The following FGF12 variants were observed in gnomAD, a reference collection of about 807,000 sequenced individuals.
FGF12 encodes fibroblast growth factor 12B.
A neutral mutation model predicts 23.6 loss-of-function variants in FGF12; 14 were observed. The ratio of observed to expected loss-of-function variants is 0.59; its 90% CI spans 0.39 to 0.93. The LOEUF (loss-of-function observed/expected upper bound fraction) is 0.93. Ranked by LOEUF, FGF12 falls within the 40% of genes least tolerant of loss-of-function variation. The probability of loss-of-function intolerance (pLI) is 0.00; values close to 1 mark genes in which losing one functional copy is unlikely to be tolerated. For missense variants in FGF12, 175 were observed against 217.8 expected (o/e 0.80, Z 1.24); for synonymous variants, 62 against 77.3 (o/e 0.80, Z 1.04).
At chr3:192,175,248 T>C (rs1281645120) in intron 4 of FGF12, among the ~76,000 whole-genome samples, 3 of 152,294 alleles carry the variant, frequency 2.0e-5, no homozygotes. Flanking sequence ...GTGCATATAA[T>C]AGAAAGCAGA....
intron 2 of FGF12, among the ~76,000 whole-genome samples, chr3:192,468,253 A>G (rs765636231): frequency 1.3e-5 from 2 of 152,190 alleles, no homozygotes; most frequent in African/African-American, 2.4e-5. Flanking sequence ...ATCACAGTAC[A>G]ATTATCCAAA....
chr3:192,264,495 G>A (rs753241368), intron 4 of FGF12, among the ~76,000 whole-genome samples: 1 of 151,812 alleles, frequency 6.6e-6, no homozygotes. Flanking sequence ...TTTTAATTCT[G>A]GAGAAAAGGG....
chr3:192,640,242 G>T (rs531716340), intron 2 of FGF12, among the ~76,000 whole-genome samples: 2 of 152,174 alleles, frequency 1.3e-5, no homozygotes, highest in Non-Finnish European at 2.9e-5. Context: ...GCAACGATGT[G>T]CAATGATGGA....
In FGF12 at chr3:192,267,188, C is replaced by T. The variant is rs116128080; in HGVS notation, c.228+68173G>A. The T allele has an allele frequency of 5.2e-3, 791 of 152,196 alleles. 3 individuals are homozygous for T. The highest frequency in any genetic ancestry group is 0.019 in the African/African-American group (769 of 41,544). 9.4% of individuals were successfully genotyped at this position (152,196 alleles called of 1,614,324 possible). On this transcript the variant is annotated intron_variant, in intron 4 of 5. Transcript: ENST00000445105. ...GTCTTAGTCCTTGGAAAGGTGATTTCGTCTGAGAGGAAATCACAGGTTACA... is the reference window on the plus strand; with the variant it reads ...GTCTTAGTCCTTGGAAAGGTGATTTTGTCTGAGAGGAAATCACAGGTTACA...
At chr3:192,507,787 C>A (rs578188462) in intron 2 of FGF12, among the ~76,000 whole-genome samples, 1 of 152,296 alleles carries the variant, frequency 6.6e-6, no homozygotes, top group East Asian at 1.9e-4. Flanking sequence ...ACTACAGGCA[C>A]ATCTACTATC....
intron 2 of FGF12, among the ~76,000 whole-genome samples, chr3:192,559,253 A>C (rs1259258694): frequency 6.6e-6 from 1 of 152,012 alleles, no homozygotes; most frequent in Admixed American, 6.6e-5. Flanking sequence ...CAATAGCAAA[A>C]CCAACAGATA....
chr3:192,649,927 T>C (rs1254220856), intron 2 of FGF12, among the ~76,000 whole-genome samples: 1 of 152,244 alleles, frequency 6.6e-6, no homozygotes, highest in Non-Finnish European at 1.5e-5. Context: ...AAGTTTATTC[T>C]GTGGTATATT....
intron 2 of FGF12, among the ~76,000 whole-genome samples, chr3:192,471,504 T>C (rs1248864913): frequency 6.6e-6 from 1 of 152,200 alleles, no homozygotes. Flanking sequence ...ATATACTTTT[T>C]AGAAAAGGGA....
At chr3:192,378,026 T>TTTCTCTC (rs1553804997) in intron 2 of FGF12, among the ~76,000 whole-genome samples, 1 of 69,442 alleles carries the variant, frequency 1.4e-5, no homozygotes, top group Admixed American at 1.4e-4. Flanking sequence ...TGACTCTTTC[T>TTTCTCTC]TTTCTTTCTT....
intron 4 of FGF12, among the ~76,000 whole-genome samples, chr3:192,248,072 A>G (rs1373635027): frequency 1.3e-5 from 2 of 152,188 alleles, no homozygotes; most frequent in Non-Finnish European, 2.9e-5. Context: ...TCTTGTTCCA[A>G]TATACTATCT....
intron 2 of FGF12, among the ~76,000 whole-genome samples, chr3:192,569,244 G>C (rs918723003): frequency 1.8e-4 from 28 of 152,184 alleles, no homozygotes; most frequent in Admixed American, 1.2e-3. Flanking sequence ...TGTCAGTGTA[G>C]GTTAAGCTGT....
intron 2 of FGF12, chr3:192,533,951 T>C (rs1725161315): frequency 6.6e-6 from 1 of 152,002 alleles, no homozygotes; most frequent in African/African-American, 2.4e-5. Flanking sequence ...GTGTCCTATC[T>C]CTATTCCTCT....
chr3:192,531,519 A>G (rs1725089512), intron 2 of FGF12, among the ~76,000 whole-genome samples: 1 of 152,312 alleles, frequency 6.6e-6, no homozygotes, highest in East Asian at 1.9e-4. Context: ...GGACTAGTAC[A>G]TTCCGAAAAA....
At position 192,181,691 on chromosome 3, in the gene FGF12, C is replaced by T. The variant is rs116720366; in HGVS notation, c.229-11035G>A. Among the ~76,000 whole-genome samples the T allele has an allele frequency of 2.1e-3, 310 of 146,626 alleles. 1 individual carries two copies. The highest frequency in any genetic ancestry group is 7.0e-3 in the African/African-American group (277 of 39,442). On this transcript the variant is annotated intron_variant, in intron 4 of 5. Transcript: ENST00000445105. ...TGTTGCCCAGACTGGAGTGCAGTAG[C>T]GGGATCACTGTTCGCTGCAACCTCC...
intron 2 of FGF12, among the ~76,000 whole-genome samples, chr3:192,576,813 C>T (rs563205800): frequency 3.3e-5 from 5 of 152,222 alleles, no homozygotes; most frequent in African/African-American, 1.2e-4. Context: ...ACCCAAATGC[C>T]CATCAGTGAT....
chr3:192,362,600 T>C (rs954291359), intron 2 of FGF12, among the ~76,000 whole-genome samples: 5 of 152,214 alleles, frequency 3.3e-5, no homozygotes, highest in Admixed American at 3.3e-4. Flanking sequence ...GAACCTCAAA[T>C]GCTGTGTGGC....
Position 192,473,032 on chromosome 3 carries a change from G to A in FGF12, c.14-112494C>T, listed in dbSNP as rs1332131595. 3.9e-5 allele frequency among the ~76,000 whole-genome samples: 6 copies of A among 152,140 alleles called. 1 individual carries two copies. Among genetic ancestry groups the A allele is most frequent in the Admixed American group, 2.0e-4 (3 of 15,282 alleles). ...CCATTTTCTCTTTAATGCCGTTTCT[G>A]TACTTGAAAAAACTTCTACAATTGA... On this transcript the variant is annotated intron_variant, in intron 2 of 5. Transcript: ENST00000445105.
chr3:192,390,639 T>C (rs555554671), intron 2 of FGF12, among the ~76,000 whole-genome samples: 6 of 152,180 alleles, frequency 3.9e-5, no homozygotes, highest in Non-Finnish European at 8.8e-5. Flanking sequence ...ACCATGACCA[T>C]GCTAATTCAT....
At chr3:192,375,364 A>T (rs1236287500) in intron 2 of FGF12, among the ~76,000 whole-genome samples, 1 of 151,774 alleles carries the variant, frequency 6.6e-6, no homozygotes, top group Non-Finnish European at 1.5e-5. Flanking sequence ...ACTCTCTCCA[A>T]TTTTTCCCTT....
Sources: allele counts gnomAD v4.1 joint callset (sites outside exome capture counted in the v4.1 genomes callset), GRCh38; gene constraint gnomAD v4.1.1; transcripts MANE v1.5; gene names NCBI Gene and HGNC (gene_info 2026-07-23, HGNC 2026-07-21).